The following CCNJL variants were observed in gnomAD, a reference collection of about 807,000 sequenced individuals.
CCNJL encodes the protein cyclin-J-like protein.
In CCNJL, 33 loss-of-function variants were observed where a neutral mutation model predicts 33.4. That is an observed-to-expected ratio of 0.99 (90% CI 0.75 to 1.32). The LOEUF (loss-of-function observed/expected upper bound fraction) is 1.32, where lower values mean the gene tolerates loss of function less well. Ranked by LOEUF, CCNJL falls within the 40% of genes most tolerant of loss-of-function variation. CCNJL has a pLI of 0.00. For synonymous variants in CCNJL, 227 were observed against 220.9 expected (o/e 1.03, Z -0.24); for missense variants, 512 against 499.7 (o/e 1.02, Z -0.23).
At chr5:160,303,745 T>TGA (rs1561804192) in intron 2 of CCNJL, among the ~76,000 whole-genome samples, 1 of 149,322 alleles carries the variant, frequency 6.7e-6, no homozygotes, top group Non-Finnish European at 1.5e-5. Context: ...TGTGTGTGTG[T>TGA]AATAACTCAA....
At chr5:160,327,620 G>C (rs1162045861) in intron 1 of CCNJL, among the ~76,000 whole-genome samples, 1 of 152,228 alleles carries the variant, frequency 6.6e-6, no homozygotes. Flanking sequence ...GCCAGGAGTT[G>C]GCGATAGAGG....
rs1360007016 is a variant in CCNJL at position 160,254,347 on chromosome 5, A to AT, written c.744-550dup. Reference sequence around the variant, plus strand: ...ATCTGAAAAGGGGGCTGGAACAGAGATTTTTGCCATCTCAAAAAAAGCTTC... The same window carrying AT: ...ATCTGAAAAGGGGGCTGGAACAGAGATTTTTTGCCATCTCAAAAAAAGCTTC... On this transcript the variant is annotated intron_variant, in intron 5 of 5. Transcript: ENST00000257536. 3 of 661,036 alleles carry AT rather than the reference A, an allele frequency of 4.5e-6. No individual in the cohort carries two copies. In the African/African-American group the frequency reaches 5.5e-5, roughly 12 times the overall value. 40.9% of individuals were successfully genotyped at this position (661,036 alleles called of 1,614,324 possible).
chr5:160,317,558 C>G (rs1238315723), upstream of CCNJL, among the ~76,000 whole-genome samples: 2 of 152,236 alleles, frequency 1.3e-5, no homozygotes, highest in Non-Finnish European at 2.9e-5. Context: ...CATAGAATTC[C>G]AGTGGACCTG....
intron 1 of CCNJL, among the ~76,000 whole-genome samples, chr5:160,327,498 G>C (rs968283666): frequency 6.6e-6 from 1 of 152,218 alleles, no homozygotes; most frequent in Non-Finnish European, 1.5e-5. Context: ...CTCTTCTCTG[G>C]CTGCCAAAGC....
chr5:160,330,948 C>A (rs28552391), intron 1 of CCNJL, among the ~76,000 whole-genome samples: 2 of 151,962 alleles, frequency 1.3e-5, no homozygotes, highest in Non-Finnish European at 2.9e-5. Context: ...CCACTGTGCC[C>A]GGCCCACTGC....
At chr5:160,269,469 C>T (rs1174025016) in intron 3 of CCNJL, 2 of 456,444 alleles carry the variant, frequency 4.4e-6, no homozygotes, top group African/African-American at 4.0e-5. Context: ...TCACCAGGGG[C>T]TGCCTCTGGC....
At chr5:160,268,502 T>C (rs1371422967) in intron 3 of CCNJL, among the ~76,000 whole-genome samples, 2 of 152,230 alleles carry the variant, frequency 1.3e-5, no homozygotes, top group Non-Finnish European at 2.9e-5. Context: ...GAGCCAGCCC[T>C]GTAATGACAG....
At chr5:160,281,055 G>A in intron 2 of CCNJL, 1 of 397,914 alleles carries the variant, frequency 2.5e-6, no homozygotes, top group Non-Finnish European at 4.6e-6. Flanking sequence ...AGAGGTCTAA[G>A]TCCAAATTCT....
intron 1 of CCNJL, among the ~76,000 whole-genome samples, chr5:160,322,954 G>A (rs1302463816): frequency 6.7e-6 from 1 of 148,456 alleles, no homozygotes; most frequent in African/African-American, 2.5e-5. Context: ...GTCCCTCAAG[G>A]CCAGGCGCGG....
intron 1 of CCNJL, among the ~76,000 whole-genome samples, chr5:160,335,318 T>G (rs1437328531): frequency 1.3e-5 from 2 of 152,188 alleles, no homozygotes; most frequent in African/African-American, 4.8e-5. Flanking sequence ...CTATATAGTT[T>G]ATGATCTATT....
rs746110017 is a variant in CCNJL at position 160,259,420 on chromosome 5, G to A, written c.583+49C>T. 9.7e-6 allele frequency: 15 copies of A among 1,544,998 alleles called. No individual in the cohort carries two copies. The South Asian group carries it at 1.8e-4, about 19-fold the overall frequency. On this transcript the variant is annotated intron_variant, in intron 4 of 5. Transcript: ENST00000257536. ...TAGAGCCGCCTGACCCCGACCCCTG[G>A]GTGGTGGGGAAGGGGTGGGAGGTCC...
At chr5:160,302,960 C>A (rs1418991230) in intron 2 of CCNJL, among the ~76,000 whole-genome samples, 2 of 152,094 alleles carry the variant, frequency 1.3e-5, no homozygotes, top group Non-Finnish European at 2.9e-5. Flanking sequence ...AAATTGGGGT[C>A]AGTGGTATCT....
At chr5:160,282,390 C>A (rs952914448) in intron 2 of CCNJL, among the ~76,000 whole-genome samples, 2 of 152,112 alleles carry the variant, frequency 1.3e-5, no homozygotes, top group African/African-American at 4.8e-5. Context: ...CTTTAATGGC[C>A]TTAGATTAGG....
At chr5:160,337,832 G>C (rs372426666) in intron 1 of CCNJL, among the ~76,000 whole-genome samples, 4 of 152,288 alleles carry the variant, frequency 2.6e-5, no homozygotes, top group East Asian at 3.9e-4. Flanking sequence ...TAGATCCTGA[G>C]TGGCTAACTG....
At chr5:160,339,370 AAC>A in intron 1 of CCNJL, 1 of 326,742 alleles carries the variant, frequency 3.1e-6, no homozygotes, top group Non-Finnish European at 6.1e-6. Flanking sequence ...AAAAAAAAAA[AAC>A]AAAAAAAAAC....
chr5:160,268,467 C>G (rs1761698724), intron 3 of CCNJL, among the ~76,000 whole-genome samples: 1 of 152,160 alleles, frequency 6.6e-6, no homozygotes, highest in Non-Finnish European at 1.5e-5. Context: ...AGAACAGCAC[C>G]CTTTGTAAAC....
intron 2 of CCNJL, among the ~76,000 whole-genome samples, chr5:160,306,113 A>G (rs1043320440): frequency 2.0e-5 from 3 of 151,984 alleles, no homozygotes; most frequent in Admixed American, 6.6e-5. Context: ...GCCTCTACTA[A>G]AAATACAAAA....
intron 3 of CCNJL, among the ~76,000 whole-genome samples, chr5:160,277,703 T>C (rs1011313333): frequency 5.3e-5 from 8 of 151,372 alleles, no homozygotes; most frequent in African/African-American, 1.9e-4. Context: ...GAAGGGGCTG[T>C]AGGTAGGTGA....
chr5:160,256,778 C>A (rs962310287), intron 4 of CCNJL, among the ~76,000 whole-genome samples: 3 of 151,520 alleles, frequency 2.0e-5, no homozygotes, highest in Admixed American at 1.3e-4. Context: ...ATTAGCCACG[C>A]GTGGTGGTGG....
Sources: gnomAD v4.1 joint callset for allele counts (sites outside exome capture counted in the v4.1 genomes callset) on GRCh38, gnomAD v4.1.1 for gene constraint, MANE v1.5 for transcripts, NCBI Gene and HGNC (gene_info 2026-07-23, HGNC 2026-07-21) for gene names.